The following MKKS variants were observed in gnomAD, a reference collection of about 807,000 sequenced individuals.
MKKS encodes molecular chaperone MKKS.
A neutral mutation model predicts 33.2 loss-of-function variants in MKKS; 29 were observed. The ratio of observed to expected loss-of-function variants is 0.87; its 90% CI spans 0.65 to 1.19. The LOEUF is 1.19. MKKS is among the 50% of genes most tolerant of loss of function. The pLI is 0.00. For synonymous variants in MKKS, 260 were observed against 244.0 expected (o/e 1.07, Z -0.61); for missense variants, 661 against 662.3 (o/e 1.00, Z 0.02).
chr20:10,405,544 C>T lies in MKKS; in HGVS notation c.1416G>A (p.Met472Ile), dbSNP rs1568662773. ...GAACTGACCAAAGGTGTCCATACTT[C>T]ATGTCAGTGAGAATTTCACCTCCAT... ...EHDGGEILTDMKYGHLWSVQA... is the reference protein window; with the variant it reads ...EHDGGEILTDIKYGHLWSVQA... The change falls in exon 6 of 6, where the codon ATG becomes ATA. Residue 472 changes from methionine to isoleucine, a missense_variant. Physicochemically the swap from Met to Ile is conservative, Grantham distance 10. Transcript: ENST00000347364. The T allele has an allele frequency of 6.2e-7, 1 of 1,614,192 alleles. No individual in the cohort carries two copies.
intron 2 of MKKS, among the ~76,000 whole-genome samples, chr20:10,417,174 C>A (rs889692700): frequency 6.6e-6 from 1 of 150,628 alleles, no homozygotes; most frequent in Non-Finnish European, 1.5e-5. Flanking sequence ...TCACTTCAAC[C>A]CAGAAGGCAG....
chr20:10,419,702 T>G (rs1223189870), intron 2 of MKKS, among the ~76,000 whole-genome samples: 1 of 152,170 alleles, frequency 6.6e-6, no homozygotes, highest in Non-Finnish European at 1.5e-5. Flanking sequence ...CCACCACAGT[T>G]GATCTAACCC....
chr20:10,426,103 A>G (rs886934342), intron 1 of MKKS, among the ~76,000 whole-genome samples: 1 of 152,132 alleles, frequency 6.6e-6, no homozygotes, highest in East Asian at 1.9e-4. Flanking sequence ...CATATTTTTC[A>G]TTTTGTTTTG....
chr20:10,408,214 A>G (rs371051281), intron 4 of MKKS, among the ~76,000 whole-genome samples: 4 of 152,326 alleles, frequency 2.6e-5, no homozygotes, highest in East Asian at 3.9e-4. Flanking sequence ...CCAATCCCAT[A>G]GATTATCATT....
chr20:10,432,111 A>T (rs6108572), intron 1 of MKKS, among the ~76,000 whole-genome samples: 78,439 of 152,032 alleles, frequency 0.52, 21,159 homozygotes, highest in Non-Finnish European at 0.6. Flanking sequence ...AGTTGAAGTT[A>T]GGCCCTTTCC....
chr20:10,427,976 A>G (rs1325005064), intron 1 of MKKS, among the ~76,000 whole-genome samples: 1 of 152,234 alleles, frequency 6.6e-6, no homozygotes, highest in Non-Finnish European at 1.5e-5. Flanking sequence ...CGAAACAGGT[A>G]TGCGTAAGTA....
At chr20:10,433,950 C>T (rs187602473) in intron 1 of MKKS, among the ~76,000 whole-genome samples, 158 bp downstream of exon 1, 10 of 152,338 alleles carry the variant, frequency 6.6e-5, no homozygotes, top group Admixed American at 2.6e-4. Context: ...TCGCCTCCTA[C>T]AGAGAGCCAG....
intron 2 of MKKS, among the ~76,000 whole-genome samples, chr20:10,419,116 G>A (rs2064961391): frequency 6.6e-6 from 1 of 152,004 alleles, no homozygotes; most frequent in Admixed American, 6.6e-5. Flanking sequence ...CTCAGACCAA[G>A]GCTTATAAAT....
chr20:10,429,605 C>T (rs17452140), intron 1 of MKKS, among the ~76,000 whole-genome samples: 72,264 of 152,020 alleles, frequency 0.48, 18,107 homozygotes, highest in Non-Finnish European at 0.56. Context: ...CAAAAAGCAT[C>T]ATCTACTAAG....
At chr20:10,411,384 A>T (rs542401231) in intron 3 of MKKS, among the ~76,000 whole-genome samples, 2 of 152,166 alleles carry the variant, frequency 1.3e-5, no homozygotes, top group Admixed American at 1.3e-4. Context: ...GGTAGCTGGG[A>T]CTACAGGCAT....
chr20:10,421,372 C>A, intron 1 of MKKS, among the ~76,000 whole-genome samples: 1 of 139,204 alleles, frequency 7.2e-6, no homozygotes, highest in Non-Finnish European at 1.5e-5. Flanking sequence ...TGCAGTGAGC[C>A]AAGATCATGC....
intron 1 of MKKS, among the ~76,000 whole-genome samples, chr20:10,423,667 T>C (rs889467639): frequency 5.3e-5 from 8 of 152,314 alleles, no homozygotes; most frequent in African/African-American, 1.7e-4. Context: ...ACTTAGTGAA[T>C]CTTTAGGTCA....
At chr20:10,421,549 G>T (rs1014204772) in intron 1 of MKKS, among the ~76,000 whole-genome samples, 5 of 152,166 alleles carry the variant, frequency 3.3e-5, no homozygotes, top group African/African-American at 1.2e-4. Context: ...AACTGCGATT[G>T]CAACAGCTGA....
Position 10,402,241 on chromosome 20 carries a change from T to A in MKKS, c.*3006A>T, listed in dbSNP as rs1015216901. ...CAATATTCAGACCTCAATCTTACTT[T>A]AAGTCACAAAACACTGCCTGAGGCT... On this transcript the variant is annotated 3_prime_UTR_variant, in exon 6 of 6. Coordinates refer to ENST00000347364, the MANE Select transcript of MKKS (RefSeq NM_170784.3). The A allele has an allele frequency of 6.6e-6, 1 of 152,240 alleles. No individual in the cohort carries two copies. Among genetic ancestry groups the A allele is most frequent in the Non-Finnish European group, 1.5e-5 (1 of 68,046 alleles). 9.4% of individuals were successfully genotyped at this position (152,240 alleles called of 1,614,324 possible).
rs919233238 is a variant in MKKS, at chr20:10,412,786, G to C, written c.729C>G (p.Leu243=). The C allele has an allele frequency of 6.2e-7, 1 of 1,614,206 alleles. No individual in the cohort carries two copies. Among genetic ancestry groups the C allele is most frequent in the Non-Finnish European group, 8.5e-7 (1 of 1,180,028 alleles). Residue 243 remains leucine, a synonymous_variant, in exon 3 of 6, where the codon CTC becomes CTG. Transcript: ENST00000347364. ...TGTCTCCGGATAAAGTTGTACAAAA[G>C]AGTGCCACCTTGAGGGCAGTTGATT... ...IKKSTALKVA[L]FCTTLSGDTS... is the part of the protein sequence containing the mutation.
chr20:10,405,780 T>C, intron 5 of MKKS, 93 bp from the exon 6 acceptor site: 1 of 1,183,896 alleles, frequency 8.4e-7, no homozygotes, highest in Non-Finnish European at 1.2e-6. Flanking sequence ...ATCTTATTCC[T>C]AAAGTAATTA....
At chr20:10,422,256 G>A (rs76611747) in intron 1 of MKKS, among the ~76,000 whole-genome samples, 1,748 of 151,932 alleles carry the variant, frequency 0.012, 16 homozygotes, top group Non-Finnish European at 0.017. Context: ...GAGGAAACAC[G>A]ACCTGCTTTG....
intron 1 of MKKS, among the ~76,000 whole-genome samples, chr20:10,428,877 G>C (rs1254760151): frequency 6.6e-6 from 1 of 152,014 alleles, no homozygotes; most frequent in Non-Finnish European, 1.5e-5. Flanking sequence ...CTCCTTGCCT[G>C]CTGTCAGAAG....
In MKKS at chr20:10,432,445, A is replaced by G. The variant is rs541873928; in HGVS notation, c.-649+1663T>C. ...CACCCCTCAGTATTTGGGGGATTGC[A>G]TCCAGGACCCATGATGGATACCCAA... On this transcript the variant is annotated intron_variant, in intron 1 of 5. Coordinates refer to ENST00000347364, the MANE Select transcript of MKKS (RefSeq NM_170784.3). 2.2e-4 allele frequency among the ~76,000 whole-genome samples: 34 copies of G among 152,318 alleles called. No homozygotes were observed. The Middle Eastern group carries it at 0.014, about 61-fold the overall frequency.
Sources: gnomAD v4.1 joint callset for allele counts (sites outside exome capture counted in the v4.1 genomes callset) on GRCh38, gnomAD v4.1.1 for gene constraint, MANE v1.5 for transcripts, NCBI Gene and HGNC (gene_info 2026-07-23, HGNC 2026-07-21) for gene names.